ATRN: variants seen among roughly 807,000 people sequenced by gnomAD.
ATRN encodes attractin, also known as attractin-2.
A neutral mutation model predicts 178.7 loss-of-function variants in ATRN; 54 were observed. The ratio of observed to expected loss-of-function variants is 0.30; its 90% CI spans 0.24 to 0.38. The LOEUF is 0.38. ATRN is among the 10% of genes least tolerant of loss of function. The pLI is 1.00. For synonymous variants in ATRN, 636 were observed against 663.0 expected (o/e 0.96, Z 0.63); for missense variants, 1,443 against 1,815.1 (o/e 0.79, Z 3.73).
At chr20:3,542,938 C>T (rs143774344) in intron 3 of ATRN, among the ~76,000 whole-genome samples, 12 of 152,122 alleles carry the variant, frequency 7.9e-5, no homozygotes, top group African/African-American at 2.4e-4. Context: ...TGCACCCGGC[C>T]GAAGATTGCT....
chr20:3,499,839 C>A (rs1208694795), intron 1 of ATRN, among the ~76,000 whole-genome samples: 1 of 148,008 alleles, frequency 6.8e-6, no homozygotes, highest in Non-Finnish European at 1.5e-5. Context: ...CAAATGGGAT[C>A]TAATTAAACT....
chr20:3,588,218 T>G (rs542181735), intron 18 of ATRN, among the ~76,000 whole-genome samples: 1 of 152,342 alleles, frequency 6.6e-6, no homozygotes, highest in African/African-American at 2.4e-5. Flanking sequence ...CCTCTTTACT[T>G]TCTTTTGGCA....
intron 1 of ATRN, chr20:3,490,888 G>C: frequency 2.0e-6 from 2 of 990,616 alleles, no homozygotes; most frequent in Non-Finnish European, 3.3e-6. Context: ...TGCATGGCCT[G>C]AGTGCGGTGA....
At chr20:3,519,104 C>A (rs563798897) in intron 1 of ATRN, among the ~76,000 whole-genome samples, 1 of 151,334 alleles carries the variant, frequency 6.6e-6, no homozygotes, top group African/African-American at 2.4e-5. Flanking sequence ...TAGCAAGAGG[C>A]AAGGACCATG....
intron 18 of ATRN, among the ~76,000 whole-genome samples, chr20:3,589,026 A>G (rs1346680306): frequency 8.0e-6 from 1 of 124,280 alleles, no homozygotes; most frequent in East Asian, 2.3e-4. Flanking sequence ...TCTTTCACCC[A>G]GTCTGGAGTG....
At chr20:3,486,314 C>G (rs543532631) in intron 1 of ATRN, among the ~76,000 whole-genome samples, 39 of 152,292 alleles carry the variant, frequency 2.6e-4, no homozygotes, top group African/African-American at 8.9e-4. Context: ...CCTCCTCCCA[C>G]CAGCCAGCAT....
intron 23 of ATRN, among the ~76,000 whole-genome samples, chr20:3,603,152 A>G (rs2146289201): frequency 6.6e-6 from 1 of 152,188 alleles, no homozygotes; most frequent in East Asian, 1.9e-4. Context: ...CTCTGGGAAT[A>G]GGATGGAGTT....
chr20:3,528,053 G>A (rs1012140870), intron 1 of ATRN, among the ~76,000 whole-genome samples: 1 of 151,870 alleles, frequency 6.6e-6, no homozygotes, highest in Non-Finnish European at 1.5e-5. Context: ...ATGTATCCCA[G>A]AACTTAAAGT....
intron 12 of ATRN, among the ~76,000 whole-genome samples, chr20:3,574,963 C>CTCT (rs1555819113): frequency 2.0e-5 from 3 of 146,510 alleles, no homozygotes; most frequent in African/African-American, 7.5e-5. Context: ...CAGCTTCTCT[C>CTCT]TTTTTTTTTT....
At chr20:3,621,328 C>T (rs1327654932) in intron 24 of ATRN, among the ~76,000 whole-genome samples, 1 of 152,218 alleles carries the variant, frequency 6.6e-6, no homozygotes, top group Non-Finnish European at 1.5e-5. Flanking sequence ...AGCGGAAGCA[C>T]TTTTGGCTGA....
intron 6 of ATRN, among the ~76,000 whole-genome samples, chr20:3,552,786 C>T (rs1568725040): frequency 6.6e-6 from 1 of 152,120 alleles, no homozygotes; most frequent in Non-Finnish European, 1.5e-5. Flanking sequence ...TTGAGGCTGT[C>T]CTTAATTTAC....
intron 25 of ATRN, among the ~76,000 whole-genome samples, chr20:3,627,300 C>A (rs1206241377): frequency 6.6e-6 from 1 of 152,180 alleles, no homozygotes; most frequent in Non-Finnish European, 1.5e-5. Flanking sequence ...TCTAGGGGTG[C>A]ACCCCAAACA....
Position 3,627,336 on chromosome 20 carries a change from A to G in ATRN, c.3863+2764A>G, listed in dbSNP as rs74473120. Among the ~76,000 whole-genome samples, 730 of 152,350 alleles carry G rather than the reference A, an allele frequency of 4.8e-3. 3 individuals carry two copies. The highest frequency in any genetic ancestry group is 0.017 in the African/African-American group (708 of 41,574). Reference sequence around the variant, plus strand: ...TTTGAAAACTCTCCAGGTGATTCCAATGTGCAGCTAAGGTTGAGAATCACT... The same window carrying G: ...TTTGAAAACTCTCCAGGTGATTCCAGTGTGCAGCTAAGGTTGAGAATCACT... On this transcript the variant is annotated intron_variant, in intron 25 of 28. Coordinates refer to ENST00000262919, the MANE Select transcript of ATRN (RefSeq NM_139321.3).
chr20:3,603,024 G>A (rs987366344), intron 23 of ATRN, among the ~76,000 whole-genome samples: 7 of 144,448 alleles, frequency 4.8e-5, no homozygotes, highest in African/African-American at 1.3e-4. Context: ...CAATGAAGAC[G>A]TGATAATGTG....
Position 3,549,182 on chromosome 20 carries a change from C to T in ATRN, c.956C>T (p.Ser319Leu), listed in dbSNP as rs760560964. 1.0e-5 allele frequency: 16 copies of T among 1,604,156 alleles called. No individual in the cohort carries two copies. In the Admixed American group the frequency reaches 2.8e-4, roughly 28 times the overall value. ...ATGTTTTTATTAGGTCCTGGATGTTCAGTTCCTGTACCAGCTAACCAGTCA... is the reference window on the plus strand; with the variant it reads ...ATGTTTTTATTAGGTCCTGGATGTTTAGTTCCTGTACCAGCTAACCAGTCA... ...CFSDWQGPGC[S>L]VPVPANQSFW... The change falls in exon 6 of 29, where the codon TCA (serine) becomes TTA (leucine). Residue 319 changes from serine (S) to leucine (L), a missense_variant. By Grantham distance (145) the Ser-to-Leu change is moderately radical. Coordinates refer to ENST00000262919, the MANE Select transcript of ATRN (RefSeq NM_139321.3).
chr20:3,577,540 A>G (rs1223172703), intron 14 of ATRN, among the ~76,000 whole-genome samples: 1 of 152,174 alleles, frequency 6.6e-6, no homozygotes, highest in Non-Finnish European at 1.5e-5. Context: ...GCCATGTGAT[A>G]TATTTGGACC....
In ATRN at chr20:3,647,358, C is replaced by T. The variant is rs117126093; in HGVS notation, c.*511C>T. ...CACGATTTAGGCAATTATCTCTCTT[C>T]CAGGGAGTACCTTTTTTTCTAGTTG... On this transcript the variant is annotated 3_prime_UTR_variant, in exon 29 of 29. Transcript: ENST00000262919. The T allele has an allele frequency of 0.021, 3,147 of 153,050 alleles. 42 individuals are homozygous for T. The highest frequency in any genetic ancestry group is 0.048 in the Middle Eastern group (14 of 294). 9.5% of individuals were successfully genotyped at this position (153,050 alleles called of 1,614,324 possible). A position where few individuals can be genotyped will look rare whatever the true frequency, so the allele number is the denominator to read the frequency against.
intron 1 of ATRN, among the ~76,000 whole-genome samples, chr20:3,524,470 A>G (rs187696254): frequency 1.2e-3 from 176 of 152,262 alleles, no homozygotes; most frequent in African/African-American, 4.0e-3. Context: ...ATAGTGGGAG[A>G]CTTTAACACC....
chr20:3,567,777 C>T (rs1223854704), intron 11 of ATRN, among the ~76,000 whole-genome samples: 2 of 152,062 alleles, frequency 1.3e-5, no homozygotes, highest in Admixed American at 1.3e-4. Context: ...CATACCAAGG[C>T]GGCAGGAGAT....
Sources: gnomAD v4.1 joint callset for allele counts (sites outside exome capture counted in the v4.1 genomes callset) on GRCh38, gnomAD v4.1.1 for gene constraint, MANE v1.5 for transcripts, NCBI Gene and HGNC (gene_info 2026-07-23, HGNC 2026-07-21) for gene names.